Variants in BCO2 observed in about 807,000 individuals in gnomAD.
The protein encoded by BCO2 is beta-carotene oxygenase 2.
A neutral mutation model predicts 65.8 loss-of-function variants in BCO2; 56 were observed. The observed-to-expected ratio is 0.85, with a 90% CI of 0.69 to 1.06. The LOEUF is 1.06. Ranked by LOEUF, BCO2 falls within the 50% of genes least tolerant of loss-of-function variation. The probability of loss-of-function intolerance (pLI) is 0.00; values close to 1 mark genes in which losing one functional copy is unlikely to be tolerated. For synonymous variants in BCO2, 233 were observed against 242.3 expected (o/e 0.96, Z 0.36); for missense variants, 675 against 698.5 (o/e 0.97, Z 0.38).
chr11:112,185,956 T>TTC (rs1469755458), intron 2 of BCO2, among the ~76,000 whole-genome samples: 1 of 152,190 alleles, frequency 6.6e-6, no homozygotes, highest in Non-Finnish European at 1.5e-5. Context: ...GCAATCACCA[T>TTC]TCTAGCTTCT....
chr11:112,216,029 G>T (rs1325494759), intron 10 of BCO2, 191 bp from the exon 11 acceptor site: 1 of 583,082 alleles, frequency 1.7e-6, no homozygotes, highest in Non-Finnish European at 3.1e-6. Flanking sequence ...ATGAGGGACT[G>T]GCCCCCATCA....
chr11:112,201,885 A>G (rs1867744666), intron 7 of BCO2, 138 bp from the exon 8 acceptor site: 2 of 655,184 alleles, frequency 3.1e-6, no homozygotes, highest in African/African-American at 1.8e-5. Flanking sequence ...ACTTTTATAT[A>G]TACTGGACCT....
intron 2 of BCO2, chr11:112,181,197 T>G: frequency 1.1e-6 from 1 of 889,466 alleles, no homozygotes; most frequent in Non-Finnish European, 1.8e-6. Context: ...TTTTTTTTTT[T>G]TTGAGACGGA....
At chr11:112,206,978 C>G (rs1008857683) in intron 8 of BCO2, among the ~76,000 whole-genome samples, 2 of 152,050 alleles carry the variant, frequency 1.3e-5, no homozygotes, top group Non-Finnish European at 2.9e-5. Context: ...CTTTCATTTT[C>G]TGTTTGTTGC....
At position 112,191,852 on chromosome 11, in the gene BCO2, C is replaced by G. The variant is rs112148226; in HGVS notation, c.294-1622C>G. On this transcript the variant is annotated intron_variant, in intron 2 of 11. Transcript: ENST00000357685. ...AAATTTAGGTATCTGATAATAGTGG[C>G]ATCTCAAATCATTGGGTTAAAGAAG... Among the ~76,000 whole-genome samples, 523 of 152,164 alleles carry G rather than the reference C, an allele frequency of 3.4e-3. 4 individuals carry two copies. Among genetic ancestry groups the G allele is most frequent in the African/African-American group, 0.012 (504 of 41,534 alleles).
In BCO2 at chr11:112,200,690, C is replaced by A; in HGVS notation, c.943C>A (p.Arg315=). 3 of 1,613,734 alleles carry A rather than the reference C, an allele frequency of 1.9e-6. No homozygotes were observed. Among genetic ancestry groups the A allele is most frequent in the Non-Finnish European group, 2.5e-6 (3 of 1,179,910 alleles). ...GTGGAAAATTGCCACTTCTAAAATT[C>A]GGGGAAAGGCCTTTTCAGATGGGAT... ...NLWKIATSKI[R]GKAFSDGISW... The change falls in exon 7 of 12, where the codon CGG becomes AGG. Residue 315 remains arginine (R), a synonymous_variant. Transcript: ENST00000357685.
chr11:112,185,258 G>A (rs1867167442), intron 2 of BCO2, among the ~76,000 whole-genome samples: 1 of 152,024 alleles, frequency 6.6e-6, no homozygotes, highest in Admixed American at 6.6e-5. Context: ...ATCTAAACAT[G>A]GTGTGCTTAG....
Position 112,205,954 on chromosome 11 carries a change from A to T in BCO2, c.1194+3764A>T, listed in dbSNP as rs527968134. ...CATTGCCCATTTTTTATTTATTTTT[A>T]ATTAATTAATTAATTAATTTATTTT... On this transcript the variant is annotated intron_variant, in intron 8 of 11. Coordinates refer to ENST00000357685, the MANE Select transcript of BCO2 (RefSeq NM_031938.7). 2.0e-5 allele frequency among the ~76,000 whole-genome samples: 3 copies of T among 151,678 alleles called. No homozygotes were observed. The South Asian group carries it at 6.2e-4, about 31-fold the overall frequency.
At chr11:112,184,603 T>A (rs909768601) in intron 2 of BCO2, among the ~76,000 whole-genome samples, 4 of 152,122 alleles carry the variant, frequency 2.6e-5, no homozygotes, top group African/African-American at 9.7e-5. Flanking sequence ...CCAAAAAATA[T>A]ATATAAAGTA....
intron 2 of BCO2, chr11:112,181,465 G>A (rs1028677335): frequency 1.2e-4 from 81 of 673,294 alleles, no homozygotes; most frequent in Non-Finnish European, 1.4e-4. Context: ...ACAGGCGTGA[G>A]CCACCGCGCC....
At chr11:112,193,315 C>T (rs1201353537) in intron 2 of BCO2, among the ~76,000 whole-genome samples, 159 bp from the exon 3 acceptor site, 1 of 152,114 alleles carries the variant, frequency 6.6e-6, no homozygotes, top group Admixed American at 6.6e-5. Flanking sequence ...ACCCAAAATG[C>T]TCTCCTCCCA....
intron 10 of BCO2, 37 bp from the exon 11 acceptor site, chr11:112,216,183 C>T (rs1444468257): frequency 1.4e-6 from 2 of 1,436,396 alleles, no homozygotes; most frequent in South Asian, 2.3e-5. Context: ...CTACTTACTA[C>T]TTGCCTTTTA....
chr11:112,175,565 G>C lies in BCO2; in HGVS notation c.-37G>C. The C allele has an allele frequency of 6.6e-7, 1 of 1,505,392 alleles. No individual in the cohort carries two copies. The highest frequency in any genetic ancestry group is 9.3e-7 in the Non-Finnish European group (1 of 1,080,964). The allele number at this position is 1,505,392 out of a possible 1,614,324, so 93.3% of individuals were successfully genotyped here. On this transcript the variant is annotated 5_prime_UTR_variant, in exon 1 of 12. Coordinates refer to ENST00000357685, the MANE Select transcript of BCO2 (RefSeq NM_031938.7). ...GTAGTACTCAAAACTGCCAGTGTGAGAGGATTTGGAAATCACTGGATCTGC... is the reference window on the plus strand; with the variant it reads ...GTAGTACTCAAAACTGCCAGTGTGACAGGATTTGGAAATCACTGGATCTGC...
At chr11:112,192,049 T>TA (rs1215944195) in intron 2 of BCO2, among the ~76,000 whole-genome samples, 1 of 152,196 alleles carries the variant, frequency 6.6e-6, no homozygotes, top group Non-Finnish European at 1.5e-5. Context: ...TGAATCTCTA[T>TA]ACTCATTAAG....
At chr11:112,200,983 T>C (rs1274151221) in intron 7 of BCO2, among the ~76,000 whole-genome samples, 1 of 152,228 alleles carries the variant, frequency 6.6e-6, no homozygotes, top group African/African-American at 2.4e-5. Flanking sequence ...TGATTTTATC[T>C]TTTTAATGAT....
At chr11:112,213,645 T>A (rs1859574531) in intron 8 of BCO2, 79 bp from the exon 9 acceptor site, 2 of 1,337,824 alleles carry the variant, frequency 1.5e-6, no homozygotes, top group Non-Finnish European at 2.1e-6. Flanking sequence ...ATGCCAATGA[T>A]GTTGACTGGA....
chr11:112,182,396 G>A (rs1348560458), intron 2 of BCO2, among the ~76,000 whole-genome samples: 1 of 152,156 alleles, frequency 6.6e-6, no homozygotes, highest in Non-Finnish European at 1.5e-5. Flanking sequence ...AAAGACACAT[G>A]CACACCTATG....
chr11:112,199,969 A>G (rs1867685882), intron 6 of BCO2, 142 bp downstream of exon 6: 5 of 986,014 alleles, frequency 5.1e-6, no homozygotes, highest in Non-Finnish European at 7.4e-6. Flanking sequence ...ATGCCAGGTA[A>G]GGTTATTCTG....
At chr11:112,180,643 A>G in intron 2 of BCO2, 6 of 664,504 alleles carry the variant, frequency 9.0e-6, no homozygotes, top group South Asian at 8.5e-5. Context: ...TGTGTCCCCA[A>G]GGGCAGAAAG....
Sources: gnomAD v4.1 joint callset for allele counts (sites outside exome capture counted in the v4.1 genomes callset) on GRCh38, gnomAD v4.1.1 for gene constraint, MANE v1.5 for transcripts, NCBI Gene and HGNC (gene_info 2026-07-23, HGNC 2026-07-21) for gene names.